Variants in COL22A1 observed in about 807,000 individuals in gnomAD.
The protein encoded by COL22A1 is collagen type XXII alpha 1 chain.
In COL22A1, 221 loss-of-function variants were observed where a neutral mutation model predicts 248.9. The observed-to-expected ratio is 0.89, with a 90% CI of 0.80 to 0.99. COL22A1 has a LOEUF of 0.99. Ranked by LOEUF, COL22A1 falls within the 50% of genes least tolerant of loss-of-function variation. COL22A1 has a pLI of 0.00. For synonymous variants in COL22A1, 891 were observed against 793.4 expected (o/e 1.12, Z -2.07); for missense variants, 2,240 against 2,179.0 (o/e 1.03, Z -0.56).
At chr8:138,669,423 G>T (rs1009393446) in intron 41 of COL22A1, among the ~76,000 whole-genome samples, 2 of 152,194 alleles carry the variant, frequency 1.3e-5, no homozygotes, top group African/African-American at 4.8e-5. Flanking sequence ...CCTTTCTTGT[G>T]CTGGCTTTAA....
At chr8:138,674,716 G>T (rs2130792175) in intron 41 of COL22A1, among the ~76,000 whole-genome samples, 1 of 152,276 alleles carries the variant, frequency 6.6e-6, no homozygotes, top group South Asian at 2.1e-4. Flanking sequence ...GGGTCACGTA[G>T]AACCCTGGTA....
intron 50 of COL22A1, among the ~76,000 whole-genome samples, chr8:138,629,246 TC>T (rs1410973495): frequency 6.6e-6 from 1 of 152,154 alleles, no homozygotes; most frequent in East Asian, 1.9e-4. Context: ...AGTCTCTGCC[TC>T]CCAGGTTCAA....
chr8:138,616,678 G>A (rs1819346489), intron 54 of COL22A1, among the ~76,000 whole-genome samples: 1 of 152,200 alleles, frequency 6.6e-6, no homozygotes, highest in Non-Finnish European at 1.5e-5. Context: ...GACTTATTTG[G>A]CCAAACTGGT....
intron 23 of COL22A1, among the ~76,000 whole-genome samples, chr8:138,731,665 T>A (rs3862309): frequency 0.42 from 62,869 of 150,500 alleles, 14,105 homozygotes; most frequent in African/African-American, 0.61. Flanking sequence ...AGAGAGAGAG[T>A]GAGTTCTGGG....
At chr8:138,874,371 G>A (rs1454072377) in intron 3 of COL22A1, among the ~76,000 whole-genome samples, 1 of 152,220 alleles carries the variant, frequency 6.6e-6, no homozygotes, top group Non-Finnish European at 1.5e-5. Flanking sequence ...CTTGGTAACA[G>A]CTCCCTGGTT....
intron 1 of COL22A1, among the ~76,000 whole-genome samples, chr8:138,897,983 G>A (rs1268481502): frequency 6.6e-6 from 1 of 152,066 alleles, no homozygotes; most frequent in African/African-American, 2.4e-5. Context: ...GATTCATAGA[G>A]GGCTCTCTTC....
chr8:138,896,838 T>G (rs1825449699), intron 1 of COL22A1, among the ~76,000 whole-genome samples: 1 of 152,028 alleles, frequency 6.6e-6, no homozygotes, highest in Non-Finnish European at 1.5e-5. Flanking sequence ...CTGAACGTGG[T>G]GGTGAGTGCC....
At chr8:138,686,718 C>G (rs931225604) in intron 37 of COL22A1, among the ~76,000 whole-genome samples, 1 of 152,144 alleles carries the variant, frequency 6.6e-6, no homozygotes, top group Non-Finnish European at 1.5e-5. Flanking sequence ...TGGCAATAGC[C>G]CACTGATTTC....
rs185207163 is a variant in COL22A1, at chr8:138,588,777, G to C, written c.*476C>G. 63 of 153,074 alleles carry C rather than the reference G, an allele frequency of 4.1e-4. No homozygotes were observed. Among genetic ancestry groups the C allele is most frequent in the Middle Eastern group, 3.4e-3 (1 of 294 alleles). The allele number at this position is 153,074 out of a possible 1,614,324, so 9.5% of individuals were successfully genotyped here. On this transcript the variant is annotated 3_prime_UTR_variant, in exon 65 of 65. Coordinates refer to ENST00000303045, the MANE Select transcript of COL22A1 (RefSeq NM_152888.3). ...GTATTATTTCTCCTGGGTGATCTCC[G>C]GGCATGACTGAGAATGAAGCCCATT... is the stretch of plus-strand genomic sequence containing the variant.
chr8:138,720,942 A>G (rs772663489), intron 26 of COL22A1, 150 bp from the exon 27 acceptor site: 3 of 708,004 alleles, frequency 4.2e-6, no homozygotes, highest in Admixed American at 2.2e-5. Context: ...AACCACAGTC[A>G]TCAAACACAG....
chr8:138,772,298 C>T (rs941585390), intron 16 of COL22A1, among the ~76,000 whole-genome samples: 10 of 152,156 alleles, frequency 6.6e-5, no homozygotes, highest in African/African-American at 1.7e-4. Flanking sequence ...GAATAAGGTG[C>T]GTTATGTTAA....
At chr8:138,896,427 C>T (rs1825417952) in intron 1 of COL22A1, among the ~76,000 whole-genome samples, 1 of 152,244 alleles carries the variant, frequency 6.6e-6, no homozygotes, top group Admixed American at 6.5e-5. Context: ...CTAGTTGACT[C>T]ATGCTCTCTA....
At chr8:138,615,907 C>T (rs1819276652) in intron 55 of COL22A1, 94 bp downstream of exon 55, 1 of 896,232 alleles carries the variant, frequency 1.1e-6, no homozygotes, top group East Asian at 2.5e-5. Flanking sequence ...GGCAGTGCTG[C>T]CACCAGCCAT....
chr8:138,734,149 C>T (rs542330019), intron 23 of COL22A1, among the ~76,000 whole-genome samples: 1 of 152,298 alleles, frequency 6.6e-6, no homozygotes, highest in South Asian at 2.1e-4. Flanking sequence ...GGGAAATAGA[C>T]GCTCCCATCC....
chr8:138,766,551 G>GGA (rs1324685525), intron 16 of COL22A1, among the ~76,000 whole-genome samples: 2 of 151,938 alleles, frequency 1.3e-5, no homozygotes, highest in Non-Finnish European at 2.9e-5. Flanking sequence ...TGTGAGAGAC[G>GGA]GAGAGAGAGA....
In COL22A1 at chr8:138,716,770, G is replaced by T. The variant is rs541025989; in HGVS notation, c.2400+55C>A. The stretch of plus-strand genomic sequence containing the variant: ...CTAAATAATTTATACAAGATGTAGC[G>T]TATAACAATGAATGAATGAATAAAA... On this transcript the variant is annotated intron_variant, in intron 28 of 64. Coordinates refer to ENST00000303045, the MANE Select transcript of COL22A1 (RefSeq NM_152888.3). 10 of 1,255,028 alleles carry T rather than the reference G, an allele frequency of 8.0e-6. No homozygotes were observed. In the African/African-American group the frequency reaches 8.8e-5, roughly 11 times the overall value. The allele number at this position is 1,255,028 out of a possible 1,614,324, so 77.7% of individuals were successfully genotyped here.
rs112178578 is a variant in COL22A1, at chr8:138,608,789, T to G, written c.3979-800A>C. Among the ~76,000 whole-genome samples the G allele has an allele frequency of 5.8e-3, 888 of 152,106 alleles. 5 individuals carry two copies. Among genetic ancestry groups the G allele is most frequent in the African/African-American group, 0.019 (796 of 41,498 alleles). ...TCGTCTCTTCCTCTGCCCACCACAC[T>G]CCCCCACTCAGGGCACATTCCCGTT... On this transcript the variant is annotated intron_variant, in intron 56 of 64. Transcript: ENST00000303045.
intron 50 of COL22A1, among the ~76,000 whole-genome samples, chr8:138,627,843 T>C (rs1820373243): frequency 6.6e-6 from 1 of 152,210 alleles, no homozygotes; most frequent in Non-Finnish European, 1.5e-5. Flanking sequence ...ATGAAAGTCA[T>C]ACAATTTAAT....
chr8:138,612,987 G>A (rs1244567356), intron 56 of COL22A1, among the ~76,000 whole-genome samples: 3 of 144,258 alleles, frequency 2.1e-5, no homozygotes, highest in South Asian at 4.5e-4. Flanking sequence ...GGTGGCTTAC[G>A]CCTGTAATCC....
Sources: allele counts gnomAD v4.1 joint callset (sites outside exome capture counted in the v4.1 genomes callset), GRCh38; gene constraint gnomAD v4.1.1; transcripts MANE v1.5; gene names NCBI Gene and HGNC (gene_info 2026-07-23, HGNC 2026-07-21).